Variants in WNK2 observed in about 807,000 individuals in gnomAD.
WNK2 encodes serine/threonine-protein kinase WNK2.
In WNK2, 67 loss-of-function variants were observed where a neutral mutation model predicts 192.1. The ratio of observed to expected loss-of-function variants is 0.35; its 90% CI spans 0.29 to 0.43. The LOEUF (loss-of-function observed/expected upper bound fraction) is 0.43, where lower values mean the gene tolerates loss of function less well. Among genes scored for constraint, WNK2 ranks in the 20% least tolerant of loss-of-function variants. The probability of loss-of-function intolerance (pLI) is 1.00; values close to 1 mark genes in which losing one functional copy is unlikely to be tolerated. For synonymous variants in WNK2, 1,439 were observed against 1,393.9 expected (o/e 1.03, Z -0.72); for missense variants, 2,698 against 3,089.7 (o/e 0.87, Z 3.01).
intron 19 of WNK2, among the ~76,000 whole-genome samples, chr9:93,283,752 C>G (rs1004747184): frequency 6.6e-6 from 1 of 152,138 alleles, no homozygotes; most frequent in Non-Finnish European, 1.5e-5. Context: ...TTATGCAGAA[C>G]AAGGACACAT....
Position 93,288,776 on chromosome 9 carries a change from C to T in WNK2, c.4034-12C>T, listed in dbSNP as rs760936365. 1.0e-5 allele frequency: 16 copies of T among 1,600,618 alleles called. No individual in the cohort carries two copies. In the East Asian group the frequency reaches 3.1e-4, roughly 31 times the overall value. ...TACCCTGGTACAAAGGCATTTTCCC[C>T]ATTTCTTCTAGATTCAGCGCCCTAT... is the stretch of plus-strand genomic sequence containing the variant. On this transcript the variant is annotated splice_polypyrimidine_tract_variant and intron_variant, in intron 19 of 29. Coordinates refer to ENST00000427277, the MANE Select transcript of WNK2 (RefSeq NM_006648.4).
chr9:93,299,048 C>G (rs762183994), intron 24 of WNK2, 22 bp from the exon 25 acceptor site: 1 of 1,600,492 alleles, frequency 6.2e-7, no homozygotes, highest in Non-Finnish European at 8.5e-7. Flanking sequence ...TCGTGCCTGT[C>G]GCCTCTTCTC....
chr9:93,265,973 C>T (rs1845106156), intron 16 of WNK2, among the ~76,000 whole-genome samples: 1 of 152,200 alleles, frequency 6.6e-6, no homozygotes, highest in South Asian at 2.1e-4. Flanking sequence ...CACTCGGATA[C>T]TCCTCTCATT....
intron 2 of WNK2, among the ~76,000 whole-genome samples, chr9:93,191,805 A>C (rs980397781): frequency 3.3e-5 from 5 of 152,058 alleles, no homozygotes; most frequent in South Asian, 2.1e-4. Context: ...CGGGTGGATC[A>C]TTTGAGGTCA....
chr9:93,298,075 T>A lies in WNK2; in HGVS notation c.5923+8T>A. 6.5e-7 allele frequency: 1 copy of A among 1,548,634 alleles called. No homozygotes were observed. Among genetic ancestry groups the A allele is most frequent in the Non-Finnish European group, 8.7e-7 (1 of 1,146,896 alleles). Reference sequence around the variant, plus strand: ...TCGTGGCCTCCAGCACAGGTCGGCCTCCGGGTGCAGGGCTGGGATGGGAGC... The same window carrying A: ...TCGTGGCCTCCAGCACAGGTCGGCCACCGGGTGCAGGGCTGGGATGGGAGC... On this transcript the variant is annotated splice_region_variant and intron_variant, in intron 24 of 29. Transcript: ENST00000427277.
At chr9:93,275,639 T>A (rs2133427301) in intron 19 of WNK2, among the ~76,000 whole-genome samples, 3 of 152,292 alleles carry the variant, frequency 2.0e-5, no homozygotes, top group Admixed American at 2.0e-4. Context: ...GAAAGGCATG[T>A]GGATTAAAAA....
At chr9:93,202,049 G>A (rs1027624576) in intron 2 of WNK2, among the ~76,000 whole-genome samples, 1 of 152,208 alleles carries the variant, frequency 6.6e-6, no homozygotes, top group African/African-American at 2.4e-5. Flanking sequence ...GAGGTCACAG[G>A]GGGGTCTCAC....
intron 6 of WNK2, among the ~76,000 whole-genome samples, chr9:93,238,591 G>A (rs79186744): frequency 0.016 from 2,502 of 152,288 alleles, 38 homozygotes; most frequent in Non-Finnish European, 0.026. Flanking sequence ...TGGCTTTGAG[G>A]ACAGTCCTGT....
At chr9:93,298,391 C>T (rs569270672) in intron 24 of WNK2, among the ~76,000 whole-genome samples, 14 of 152,336 alleles carry the variant, frequency 9.2e-5, no homozygotes, top group African/African-American at 2.9e-4. Context: ...ACTGCGTGGA[C>T]GGATGGTGGC....
At chr9:93,249,028 G>A (rs1428932494) in intron 8 of WNK2, among the ~76,000 whole-genome samples, 2 of 152,146 alleles carry the variant, frequency 1.3e-5, no homozygotes, top group African/African-American at 4.8e-5. Context: ...ATGTTGAGAT[G>A]GTTTGCCTAC....
At chr9:93,243,716 C>T (rs975588523) in intron 7 of WNK2, among the ~76,000 whole-genome samples, 1 of 152,172 alleles carries the variant, frequency 6.6e-6, no homozygotes, top group Non-Finnish European at 1.5e-5. Flanking sequence ...ACGCTGGGTC[C>T]CTATGGGGCC....
At chr9:93,230,752 C>A (rs144675059) in intron 3 of WNK2, 136 bp from the exon 4 acceptor site, 13,354 of 823,284 alleles carry the variant, frequency 0.016, 155 homozygotes, top group Middle Eastern at 0.059. Context: ...GTCTCACCTT[C>A]ACTACCTGTC....
intron 14 of WNK2, chr9:93,263,214 A>G (rs1463357201): frequency 2.4e-6 from 1 of 414,456 alleles, no homozygotes; most frequent in African/African-American, 2.0e-5. Flanking sequence ...TGCAAACTGC[A>G]AAACGGATTG....
chr9:93,317,366 T>G (rs1269604081), intron 28 of WNK2, 154 bp from the exon 29 acceptor site: 14 of 681,200 alleles, frequency 2.1e-5, no homozygotes, highest in African/African-American at 3.6e-5. Flanking sequence ...ACACCATCAT[T>G]CTGGTGTCAG....
At chr9:93,255,537 A>T (rs1465145905) in intron 9 of WNK2, among the ~76,000 whole-genome samples, 1 of 152,162 alleles carries the variant, frequency 6.6e-6, no homozygotes, top group Admixed American at 6.5e-5. Context: ...ACCGCGAAAG[A>T]CAAGTGAGGA....
chr9:93,232,556 A>G (rs1042780628), intron 4 of WNK2, among the ~76,000 whole-genome samples: 16 of 152,292 alleles, frequency 1.1e-4, no homozygotes, highest in African/African-American at 3.8e-4. Context: ...GGCAGGAGGG[A>G]GGCTTGTGAT....
rs1423026434 is a variant in WNK2 at position 93,229,823 on chromosome 9, G to A, written c.809G>A (p.Cys270Tyr). The change falls in exon 3 of 30, where the codon TGC becomes TAC. Residue 270 changes from cysteine (C) to tyrosine (Y), a missense_variant. Cys to Tyr is a radical substitution (Grantham distance 194, BLOSUM62 -2). Transcript: ENST00000427277. The surrounding 1 kb of genome is among the most constrained non-coding windows in gnomAD (Gnocchi z 4.9). The part of the protein sequence containing the change: ...FWESSAKGKR[C>Y]IVLVTELMTS... ...GAGTCCAGCGCCAAGGGCAAGCGGT[G>A]CATTGTGCTGGTGACGGAGCTGATG... 8 of 1,613,962 alleles carry A rather than the reference G, an allele frequency of 5.0e-6. No individual in the cohort carries two copies. The highest frequency in any genetic ancestry group is 5.9e-6 in the Non-Finnish European group (7 of 1,179,880).
chr9:93,184,957 GTCC>G lies in WNK2; in HGVS notation c.29_31del (p.Val10_Pro11delinsAla). 4 of 1,231,238 alleles carry G rather than the reference GTCC, an allele frequency of 3.2e-6. No individual in the cohort carries two copies. The highest frequency in any genetic ancestry group is 4.0e-6 in the Non-Finnish European group (4 of 988,928). 76.3% of individuals were successfully genotyped at this position (1,231,238 alleles called of 1,614,324 possible). ...GGACGGCGATGGCGGCCGCCGAGAC[GTCC>G]CCGGCACGCTGATGGAGCCCGGGCG... On this transcript the variant is annotated inframe_deletion, in exon 2 of 30. Transcript: ENST00000427277.
chr9:93,189,766 C>G (rs1016939607), intron 2 of WNK2, among the ~76,000 whole-genome samples: 4 of 152,252 alleles, frequency 2.6e-5, no homozygotes, highest in Admixed American at 2.6e-4. Flanking sequence ...AGGCGTTCTG[C>G]ATGTCATGGG....
Sources: gnomAD v4.1 joint callset for allele counts (sites outside exome capture counted in the v4.1 genomes callset) on GRCh38, gnomAD v4.1.1 for gene constraint, Gnocchi (gnomAD v3.1) non-coding constraint, MANE v1.5 for transcripts, NCBI Gene and HGNC (gene_info 2026-07-23, HGNC 2026-07-21) for gene names.